Variants in ADAMTS17 observed in about 807,000 individuals in gnomAD.
ADAMTS17 encodes ADAM metallopeptidase with thrombospondin type 1 motif 17.
In ADAMTS17, 113 loss-of-function variants were observed where a neutral mutation model predicts 141.5. The observed-to-expected ratio is 0.80, with a 90% CI of 0.69 to 0.93. ADAMTS17 has a LOEUF of 0.93. ADAMTS17 is among the 40% of genes least tolerant of loss of function. The probability of loss-of-function intolerance (pLI) is 0.00; values close to 1 mark genes in which losing one functional copy is unlikely to be tolerated. For missense variants in ADAMTS17, 1,659 were observed against 1,517.9 expected, an observed-to-expected ratio of 1.09 and a Z score of -1.54; for synonymous variants, 768 against 630.6, an observed-to-expected ratio of 1.22 and a Z score of -3.27.
At chr15:100,020,296 G>C (rs1351729760) in intron 18 of ADAMTS17, among the ~76,000 whole-genome samples, 1 of 152,184 alleles carries the variant, frequency 6.6e-6, no homozygotes, top group East Asian at 1.9e-4. Flanking sequence ...AAATGTCCTG[G>C]GGCAAGGTAG....
At chr15:100,004,957 T>C (rs951914701) in intron 18 of ADAMTS17, among the ~76,000 whole-genome samples, 26 of 152,352 alleles carry the variant, frequency 1.7e-4, no homozygotes, top group Non-Finnish European at 3.2e-4. Flanking sequence ...AGTTTTGGCA[T>C]GTATGCCAGG....
chr15:100,283,998 C>T (rs892487753), intron 3 of ADAMTS17, among the ~76,000 whole-genome samples: 1 of 152,086 alleles, frequency 6.6e-6, no homozygotes, highest in Non-Finnish European at 1.5e-5. Context: ...CCCAGCCACT[C>T]GGGAGGCGAG....
Position 100,148,304 on chromosome 15 carries a change from A to G in ADAMTS17, c.1473+4308T>C, listed in dbSNP as rs148217697. 6.5e-3 allele frequency among the ~76,000 whole-genome samples: 993 copies of G among 152,336 alleles called. 14 individuals carry two copies. Among genetic ancestry groups the G allele is most frequent in the African/African-American group, 0.022 (915 of 41,584 alleles). On this transcript the variant is annotated intron_variant, in intron 10 of 21. Coordinates refer to ENST00000268070, the MANE Select transcript of ADAMTS17 (RefSeq NM_139057.4). The stretch of plus-strand genomic sequence containing the variant: ...GACTTTGAGTGTATCTAAATCTATC[A>G]TATATTTGCCCACGAAATTACTACT...
intron 15 of ADAMTS17, among the ~76,000 whole-genome samples, chr15:100,057,623 G>T (rs1032912673): frequency 4.6e-5 from 7 of 152,154 alleles, no homozygotes; most frequent in Non-Finnish European, 7.4e-5. Flanking sequence ...GGTACCCAGG[G>T]TTTCTCCTGG....
At chr15:100,032,699 C>T (rs905059411) in intron 18 of ADAMTS17, among the ~76,000 whole-genome samples, 9 of 152,150 alleles carry the variant, frequency 5.9e-5, no homozygotes, top group African/African-American at 1.7e-4. Context: ...AAAATGAGAA[C>T]GAGAAAGCAG....
chr15:100,063,942 C>T (rs1053395995), intron 15 of ADAMTS17, among the ~76,000 whole-genome samples: 1 of 152,088 alleles, frequency 6.6e-6, no homozygotes, highest in African/African-American at 2.4e-5. Context: ...TTCCAGAGAG[C>T]AGGATTTGCA....
chr15:100,056,813 T>G (rs1185992005), intron 15 of ADAMTS17, among the ~76,000 whole-genome samples: 1 of 152,098 alleles, frequency 6.6e-6, no homozygotes, highest in Non-Finnish European at 1.5e-5. Flanking sequence ...TCCTCACTGC[T>G]GGCTAAAGAC....
At chr15:100,159,465 C>G (rs1196390668) in intron 8 of ADAMTS17, among the ~76,000 whole-genome samples, 1 of 152,170 alleles carries the variant, frequency 6.6e-6, no homozygotes. Context: ...TAAAAGTCAA[C>G]TATCTTAAAT....
rs373899380 is a variant in ADAMTS17, at chr15:99,974,412, G to T, written c.3278C>A (p.Pro1093Gln). Residue 1093 changes from proline to glutamine, a missense_variant, in exon 22 of 22, where the codon CCG becomes CAG. Transcript: ENST00000268070. ...CCTTGGGACTGCGTGTCACGAGTTC[G>T]GCGGTGGCTGGCGCATCTTGTTTGC... ...FYANKMRQPP[P>Q]NS 2 of 1,614,030 alleles carry T rather than the reference G, an allele frequency of 1.2e-6. No individual in the cohort carries two copies. The highest frequency in any genetic ancestry group is 1.3e-5 in the African/African-American group (1 of 74,934).
rs1332928215 is a variant in ADAMTS17 at position 99,974,197 on chromosome 15, C to A, written c.*205G>T. The A allele has an allele frequency of 1.6e-6, 1 of 634,588 alleles. No homozygotes were observed. Among genetic ancestry groups the A allele is most frequent in the East Asian group, 2.8e-5 (1 of 35,918 alleles). The allele number at this position is 634,588 out of a possible 1,614,324, so 39.3% of individuals were successfully genotyped here. A position where few individuals can be genotyped will look rare whatever the true frequency, so the allele number is the denominator to read the frequency against. ...ACTTTGTGACTCATGCCTACTTTCT[C>A]CTCACTGTAGAAAGCCAGCCAGTGG... On this transcript the variant is annotated 3_prime_UTR_variant, in exon 22 of 22. Coordinates refer to ENST00000268070, the MANE Select transcript of ADAMTS17 (RefSeq NM_139057.4).
chr15:100,102,418 G>A (rs1352405671), intron 14 of ADAMTS17, among the ~76,000 whole-genome samples: 12 of 77,650 alleles, frequency 1.5e-4, no homozygotes, highest in Non-Finnish European at 2.3e-4. Flanking sequence ...TTTGAGGGCC[G>A]ACCGAAGGGG....
chr15:100,067,377 T>C (rs940611891), intron 15 of ADAMTS17, among the ~76,000 whole-genome samples: 3 of 152,274 alleles, frequency 2.0e-5, no homozygotes, highest in Non-Finnish European at 4.4e-5. Context: ...AAGTAGCCTA[T>C]CTGTCTCAGC....
At chr15:100,057,513 G>A (rs1596315100) in intron 15 of ADAMTS17, among the ~76,000 whole-genome samples, 1 of 152,130 alleles carries the variant, frequency 6.6e-6, no homozygotes, top group South Asian at 2.1e-4. Flanking sequence ...CTCCAACACG[G>A]GCTGCCCTGA....
chr15:100,237,777 C>T (rs555982688), intron 7 of ADAMTS17, among the ~76,000 whole-genome samples: 46 of 152,290 alleles, frequency 3.0e-4, no homozygotes, highest in African/African-American at 1.1e-3. Context: ...GCACATGCCA[C>T]CACGCCTGGC....
intron 7 of ADAMTS17, among the ~76,000 whole-genome samples, chr15:100,224,093 C>G (rs1156345992): frequency 6.6e-6 from 1 of 152,120 alleles, no homozygotes; most frequent in East Asian, 1.9e-4. Context: ...AAGGGTGGAT[C>G]TGCCTTCCCC....
At chr15:100,191,120 GTTAT>G (rs1405701684) in intron 8 of ADAMTS17, among the ~76,000 whole-genome samples, 2 of 152,226 alleles carry the variant, frequency 1.3e-5, no homozygotes, top group Non-Finnish European at 2.9e-5. Context: ...TCAGAATCTG[GTTAT>G]TTAGCCAAAC....
chr15:100,254,538 T>C (rs1462091998), intron 6 of ADAMTS17, among the ~76,000 whole-genome samples: 1 of 152,212 alleles, frequency 6.6e-6, no homozygotes, highest in Non-Finnish European at 1.5e-5. Flanking sequence ...CCCAAGCTAC[T>C]CTACTTCCCC....
At chr15:100,096,949 T>C (rs2035798204) in intron 14 of ADAMTS17, among the ~76,000 whole-genome samples, 1 of 152,198 alleles carries the variant, frequency 6.6e-6, no homozygotes, top group South Asian at 2.1e-4. Context: ...CACAGACTTT[T>C]CTAACAAGGT....
intron 7 of ADAMTS17, among the ~76,000 whole-genome samples, chr15:100,220,877 C>T (rs2042112153): frequency 6.6e-6 from 1 of 152,208 alleles, no homozygotes; most frequent in Non-Finnish European, 1.5e-5. Flanking sequence ...CATTCCATTG[C>T]ATGGATATTC....
Sources: gnomAD v4.1 joint callset for allele counts (sites outside exome capture counted in the v4.1 genomes callset) on GRCh38, gnomAD v4.1.1 for gene constraint, MANE v1.5 for transcripts, NCBI Gene and HGNC (gene_info 2026-07-23, HGNC 2026-07-21) for gene names.